Variants in NBAS observed in about 807,000 individuals in gnomAD.
NBAS encodes the protein NBAS subunit of NRZ tethering complex, also known as NAG/BC035112 fusion.
Under a neutral mutation model 302.5 loss-of-function variants are expected in NBAS, and 219 were observed. That is an observed-to-expected ratio of 0.72 (90% CI 0.65 to 0.81). The LOEUF (loss-of-function observed/expected upper bound fraction) is 0.81. Among genes scored for constraint, NBAS ranks in the 30% least tolerant of loss-of-function variants. The pLI, the probability that NBAS is intolerant of heterozygous loss-of-function variation, is 0.00. For synonymous variants in NBAS, 1,118 were observed against 1,021.6 expected (o/e 1.09, Z -1.80); for missense variants, 2,932 against 2,841.6 (o/e 1.03, Z -0.72).
intron 42 of NBAS, among the ~76,000 whole-genome samples, chr2:15,279,146 T>C (rs566263114): frequency 2.6e-5 from 4 of 152,094 alleles, no homozygotes; most frequent in South Asian, 4.1e-4. Flanking sequence ...ATAAAAGGAA[T>C]CTTATTGACA....
chr2:15,474,458 A>G (rs988937953), intron 14 of NBAS, 134 bp from the exon 15 acceptor site: 3 of 949,716 alleles, frequency 3.2e-6, no homozygotes, highest in Non-Finnish European at 3.1e-6. Flanking sequence ...AAGATTAACA[A>G]TGGAACTCAA....
At chr2:15,010,332 T>C in the NBAS span, among the ~76,000 whole-genome samples, 1 of 151,960 alleles carries the variant, frequency 6.6e-6, no homozygotes. Context: ...AAAAGGCCCT[T>C]GATTTGGGGA....
intron 48 of NBAS, among the ~76,000 whole-genome samples, chr2:15,210,126 G>C (rs538661393): frequency 6.6e-6 from 1 of 151,968 alleles, no homozygotes; most frequent in East Asian, 1.9e-4. Flanking sequence ...GGGACAAATG[G>C]AATCACATCA....
At chr2:14,977,332 CAA>C in the NBAS span, among the ~76,000 whole-genome samples, 2 of 151,512 alleles carry the variant, frequency 1.3e-5, no homozygotes, top group Non-Finnish European at 2.9e-5. Flanking sequence ...AATCTTAGCA[CAA>C]AAAAAGTAAT....
chr2:15,037,081 A>G, the NBAS span, among the ~76,000 whole-genome samples: 2 of 152,100 alleles, frequency 1.3e-5, no homozygotes, highest in African/African-American at 4.8e-5. Context: ...TGTTTTTTGG[A>G]GCTTAGATTC....
the NBAS span, among the ~76,000 whole-genome samples, chr2:14,924,930 A>G: frequency 6.6e-6 from 1 of 152,202 alleles, no homozygotes; most frequent in Non-Finnish European, 1.5e-5. Flanking sequence ...CTTAATCTGA[A>G]TTATTTTTAA....
At chr2:15,254,663 A>T (rs1227719108) in intron 44 of NBAS, among the ~76,000 whole-genome samples, 2 of 152,076 alleles carry the variant, frequency 1.3e-5, no homozygotes, top group African/African-American at 4.8e-5. Context: ...TGTATACTAT[A>T]TCCAACGTGT....
the NBAS span, among the ~76,000 whole-genome samples, chr2:14,927,644 C>G: frequency 6.6e-6 from 1 of 152,212 alleles, no homozygotes; most frequent in South Asian, 2.1e-4. Flanking sequence ...ACAACATTTT[C>G]CAGTGTCTGC....
intron 51 of NBAS, among the ~76,000 whole-genome samples, chr2:15,169,634 C>T (rs1664203167): frequency 6.6e-6 from 1 of 152,182 alleles, no homozygotes; most frequent in Non-Finnish European, 1.5e-5. Context: ...AAGCCCGTGT[C>T]TCGGCCTAGT....
intron 12 of NBAS, chr2:15,483,433 C>T (rs976447517): frequency 1.7e-5 from 6 of 343,394 alleles, no homozygotes; most frequent in Admixed American, 7.5e-5. Flanking sequence ...CATTTCTAGG[C>T]CTGAAGAAGT....
At chr2:14,971,238 C>T in the NBAS span, among the ~76,000 whole-genome samples, 6 of 152,060 alleles carry the variant, frequency 3.9e-5, no homozygotes, top group Non-Finnish European at 5.9e-5. Context: ...AACTGCCAGC[C>T]GGACACAGTG....
chr2:14,952,697 A>C, the NBAS span, among the ~76,000 whole-genome samples: 2 of 152,194 alleles, frequency 1.3e-5, no homozygotes, highest in Non-Finnish European at 2.9e-5. Flanking sequence ...TTTTAGGATA[A>C]TCTTCCCAGC....
chr2:14,947,893 TTGG>T, the NBAS span, among the ~76,000 whole-genome samples: 2 of 152,116 alleles, frequency 1.3e-5, no homozygotes, highest in African/African-American at 2.4e-5. Flanking sequence ...GTTTTTGTTC[TTGG>T]TTCTGTTAAT....
chr2:15,232,669 C>T (rs2147928761), intron 46 of NBAS, among the ~76,000 whole-genome samples, 158 bp from the exon 47 acceptor site: 1 of 152,270 alleles, frequency 6.6e-6, no homozygotes, highest in South Asian at 2.1e-4. Flanking sequence ...ATGTACGAAG[C>T]CCTACACTAG....
chr2:15,126,411 T>C, the NBAS span, among the ~76,000 whole-genome samples: 1 of 151,976 alleles, frequency 6.6e-6, no homozygotes, highest in African/African-American at 2.4e-5. Context: ...GGAGCCCTGG[T>C]AGAGGAATGG....
intron 48 of NBAS, among the ~76,000 whole-genome samples, chr2:15,216,882 G>A (rs1666677584): frequency 6.6e-6 from 1 of 152,218 alleles, no homozygotes; most frequent in South Asian, 2.1e-4. Flanking sequence ...TGGCGAGAAG[G>A]TGAAACTGAC....
intron 31 of NBAS, among the ~76,000 whole-genome samples, chr2:15,372,425 A>G (rs1674530509): frequency 6.6e-6 from 1 of 152,208 alleles, no homozygotes; most frequent in Non-Finnish European, 1.5e-5. Flanking sequence ...GTAGGCAAAG[A>G]AGGCTTCAAA....
chr2:15,300,861 G>A (rs1378612847), intron 40 of NBAS, among the ~76,000 whole-genome samples: 1 of 152,242 alleles, frequency 6.6e-6, no homozygotes, highest in Non-Finnish European at 1.5e-5. Context: ...CCACAGCGGG[G>A]AGAAGGAAGA....
the NBAS span, among the ~76,000 whole-genome samples, chr2:14,906,926 CCT>C: frequency 6.6e-6 from 1 of 152,152 alleles, no homozygotes; most frequent in Non-Finnish European, 1.5e-5. Context: ...TGCTTCCTGT[CCT>C]CTCTCCCCCA....
Sources: allele counts gnomAD v4.1 joint callset (sites outside exome capture counted in the v4.1 genomes callset), GRCh38; gene constraint gnomAD v4.1.1; transcripts MANE v1.5; gene names NCBI Gene and HGNC (gene_info 2026-07-23, HGNC 2026-07-21).